The following NRF1 variants were observed in gnomAD, a reference collection of about 807,000 sequenced individuals.
The protein encoded by NRF1 is nuclear respiratory factor 1, also known as alpha palindromic-binding protein.
In NRF1, 5 loss-of-function variants were observed where a neutral mutation model predicts 58.5. That is an observed-to-expected ratio of 0.09 (90% CI 0.04 to 0.18). The LOEUF (loss-of-function observed/expected upper bound fraction) is 0.18, where lower values mean the gene tolerates loss of function less well. Ranked by LOEUF, NRF1 falls within the 10% of genes least tolerant of loss-of-function variation. NRF1 has a pLI of 1.00. For missense variants in NRF1, 288 were observed against 657.7 expected (o/e 0.44, Z 6.15); for synonymous variants, 224 against 246.7 (o/e 0.91, Z 0.86).
At chr7:129,612,358 C>G (rs928883999) in intron 1 of NRF1, among the ~76,000 whole-genome samples, 10 of 151,998 alleles carry the variant, frequency 6.6e-5, no homozygotes, top group African/African-American at 9.7e-5. Flanking sequence ...CTGTCTCCTG[C>G]GGGAGAGGAG....
intron 10 of NRF1, among the ~76,000 whole-genome samples, chr7:129,754,049 C>T (rs958716750): frequency 1.3e-5 from 2 of 152,172 alleles, no homozygotes; most frequent in Non-Finnish European, 2.9e-5. Context: ...CCTGACGGGC[C>T]TGTGCTTCCT....
At chr7:129,717,689 C>T (rs1803224537) in intron 9 of NRF1, among the ~76,000 whole-genome samples, 1 of 152,162 alleles carries the variant, frequency 6.6e-6, no homozygotes, top group South Asian at 2.1e-4. Context: ...GAAAGATCAT[C>T]TCCGCATCAT....
chr7:129,701,370 G>A (rs532978873), intron 5 of NRF1, among the ~76,000 whole-genome samples: 3 of 152,082 alleles, frequency 2.0e-5, no homozygotes, highest in Non-Finnish European at 4.4e-5. Context: ...GGCTGAGGTG[G>A]GTGGATCACT....
At chr7:129,751,675 G>A (rs1301864039) in intron 10 of NRF1, among the ~76,000 whole-genome samples, 2 of 150,182 alleles carry the variant, frequency 1.3e-5, no homozygotes, top group Admixed American at 6.6e-5. Context: ...CAAGGGACTT[G>A]TTCCCCAAGC....
chr7:129,713,297 G>C (rs2116205122), intron 8 of NRF1, among the ~76,000 whole-genome samples: 1 of 151,980 alleles, frequency 6.6e-6, no homozygotes, highest in Middle Eastern at 3.4e-3. Flanking sequence ...TACCATGTTG[G>C]CCAGGATGGT....
intron 1 of NRF1, among the ~76,000 whole-genome samples, chr7:129,634,480 A>C (rs1372806621): frequency 6.6e-6 from 1 of 152,134 alleles, no homozygotes; most frequent in Non-Finnish European, 1.5e-5. Flanking sequence ...ACTAAGCAAT[A>C]TGTATTTAAT....
chr7:129,726,056 G>A (rs1584675837), intron 9 of NRF1, among the ~76,000 whole-genome samples: 2 of 152,070 alleles, frequency 1.3e-5, no homozygotes, highest in African/African-American at 2.4e-5. Flanking sequence ...CTCCACTTAC[G>A]GCTTGTGCTT....
chr7:129,732,188 G>T (rs1379208994), intron 10 of NRF1, among the ~76,000 whole-genome samples: 1 of 152,122 alleles, frequency 6.6e-6, no homozygotes, highest in Non-Finnish European at 1.5e-5. Flanking sequence ...CAGGCCTATA[G>T]ACCTTTCTCT....
intron 4 of NRF1, 118 bp downstream of exon 4, chr7:129,677,876 G>A: frequency 8.3e-7 from 1 of 1,203,682 alleles, no homozygotes; most frequent in South Asian, 1.5e-5. Flanking sequence ...ATCCAGGCAT[G>A]GGAGTGGGGA....
At chr7:129,662,468 A>T (rs1801807767) in intron 2 of NRF1, among the ~76,000 whole-genome samples, 1 of 149,646 alleles carries the variant, frequency 6.7e-6, no homozygotes, top group Non-Finnish European at 1.5e-5. Context: ...GTGGAAAAAA[A>T]TTTCTTTTAA....
chr7:129,711,065 G>T (rs1376043015), intron 7 of NRF1, among the ~76,000 whole-genome samples: 2 of 151,972 alleles, frequency 1.3e-5, no homozygotes, highest in Non-Finnish European at 2.9e-5. Context: ...TTACAGATGT[G>T]GGCCACCATG....
chr7:129,653,495 G>A (rs546145415), intron 1 of NRF1, among the ~76,000 whole-genome samples: 1 of 152,136 alleles, frequency 6.6e-6, no homozygotes, highest in South Asian at 2.1e-4. Flanking sequence ...TTCCCTCATG[G>A]TATTGTACAT....
chr7:129,648,474 T>G (rs2151071391), intron 1 of NRF1, among the ~76,000 whole-genome samples: 1 of 151,988 alleles, frequency 6.6e-6, no homozygotes, highest in African/African-American at 2.4e-5. Context: ...AGAGACGGGG[T>G]TTCACCGTGT....
intron 5 of NRF1, among the ~76,000 whole-genome samples, chr7:129,706,729 G>A (rs1802958793): frequency 6.6e-6 from 1 of 152,104 alleles, no homozygotes; most frequent in South Asian, 2.1e-4. Context: ...AAGACTTGAG[G>A]GTGAAAGATA....
intron 3 of NRF1, among the ~76,000 whole-genome samples, chr7:129,672,785 T>C (rs1254017667): frequency 6.6e-6 from 1 of 152,038 alleles, no homozygotes; most frequent in Middle Eastern, 3.2e-3. Flanking sequence ...ACATGGTAAG[T>C]TTGTGATGCC....
intron 9 of NRF1, among the ~76,000 whole-genome samples, chr7:129,718,795 A>C (rs1476272166): frequency 6.6e-6 from 1 of 152,198 alleles, no homozygotes; most frequent in Non-Finnish European, 1.5e-5. Flanking sequence ...GCAGGGTTCC[A>C]ACGTCACATA....
chr7:129,677,841 C>T (rs1802218368), intron 4 of NRF1, 83 bp downstream of exon 4: 7 of 1,537,608 alleles, frequency 4.6e-6, no homozygotes, highest in Non-Finnish European at 5.3e-6. Flanking sequence ...TCAAGTATAA[C>T]AGTTGGCATT....
intron 5 of NRF1, among the ~76,000 whole-genome samples, chr7:129,705,108 A>G (rs1015498103): frequency 1.3e-5 from 2 of 152,212 alleles, no homozygotes; most frequent in African/African-American, 4.8e-5. Flanking sequence ...TGAATACTGG[A>G]GAAGTTGCTG....
At chr7:129,728,179 G>T (rs901175511) in intron 10 of NRF1, among the ~76,000 whole-genome samples, 8 of 152,202 alleles carry the variant, frequency 5.3e-5, no homozygotes, top group African/African-American at 1.9e-4. Flanking sequence ...AATTAAGCAG[G>T]ACAAATTAAA....
Sources: gnomAD v4.1 joint callset for allele counts (sites outside exome capture counted in the v4.1 genomes callset) on GRCh38, gnomAD v4.1.1 for gene constraint, MANE v1.5 for transcripts, NCBI Gene and HGNC (gene_info 2026-07-23, HGNC 2026-07-21) for gene names.